BAZ1B: variants seen among roughly 807,000 people sequenced by gnomAD.
BAZ1B encodes bromodomain adjacent to zinc finger domain 1B, also known as tyrosine-protein kinase BAZ1B.
Under a neutral mutation model 153.8 loss-of-function variants are expected in BAZ1B, and 22 were observed. That is an observed-to-expected ratio of 0.14 (90% CI 0.10 to 0.20). The LOEUF (loss-of-function observed/expected upper bound fraction) is 0.20. Among genes scored for constraint, BAZ1B ranks in the 10% least tolerant of loss-of-function variants. The pLI is 1.00. For synonymous variants in BAZ1B, 676 were observed against 633.4 expected (o/e 1.07, Z -1.01); for missense variants, 1,325 against 1,799.3 (o/e 0.74, Z 4.77).
chr7:73,486,697 T>C (rs1789422298), intron 6 of BAZ1B, among the ~76,000 whole-genome samples: 1 of 152,196 alleles, frequency 6.6e-6, no homozygotes. Context: ...ACTCAGAGCC[T>C]GACAGAACAT....
At chr7:73,478,644 G>T in intron 6 of BAZ1B, 75 bp from the exon 7 acceptor site, 1 of 1,242,088 alleles carries the variant, frequency 8.1e-7, no homozygotes, top group East Asian at 2.5e-5. Flanking sequence ...GCATCTTAAA[G>T]GCCCTCTTCC....
chr7:73,451,082 T>G, intron 13 of BAZ1B, 88 bp from the exon 14 acceptor site: 1 of 1,477,968 alleles, frequency 6.8e-7, no homozygotes, highest in Non-Finnish European at 9.2e-7. Context: ...ATGAGAGAAT[T>G]CTGAGGACAC....
chr7:73,463,143 T>G (rs782703912), intron 11 of BAZ1B, 44 bp from the exon 12 acceptor site: 1 of 1,507,364 alleles, frequency 6.6e-7, no homozygotes, highest in East Asian at 2.3e-5. Flanking sequence ...AACAAACTTT[T>G]GAAGATGTTC....
At chr7:73,497,004 G>A (rs759005536) in intron 4 of BAZ1B, among the ~76,000 whole-genome samples, 1 of 146,396 alleles carries the variant, frequency 6.8e-6, no homozygotes, top group Non-Finnish European at 1.5e-5. Flanking sequence ...CAAGGCAGGA[G>A]GATCGCTTGA....
At chr7:73,480,559 T>G (rs1554573538) in intron 6 of BAZ1B, among the ~76,000 whole-genome samples, 1 of 152,170 alleles carries the variant, frequency 6.6e-6, no homozygotes. Context: ...TTTATGTGAT[T>G]AGGGAAAAGA....
rs782381132 is a variant in BAZ1B, at chr7:73,478,507, T to G, written c.954A>C (p.Ser318=). The change falls in exon 7 of 20, where the codon TCA becomes TCC. Residue 318 remains serine, a synonymous_variant. Transcript: ENST00000339594. ...AAGAGTTGTCTGTCTTGGATTTCTT[T>G]GAGGGCTTCCTGTCTGGGGATCCAG... ...KNTGSPDRKP[S]KKSKTDNSSL... is the part of the protein sequence containing the mutation. 9 of 1,595,724 alleles carry G rather than the reference T, an allele frequency of 5.6e-6. No homozygotes were observed. The highest frequency in any genetic ancestry group is 7.7e-6 in the Non-Finnish European group (9 of 1,172,044).
chr7:73,447,477 A>C, intron 15 of BAZ1B, 98 bp from the exon 16 acceptor site: 3 of 1,376,244 alleles, frequency 2.2e-6, no homozygotes, highest in Non-Finnish European at 3.0e-6. Context: ...TTCTCTTCAC[A>C]GACTACATAT....
chr7:73,452,452 G>A (rs1554568492), intron 13 of BAZ1B, among the ~76,000 whole-genome samples: 1 of 152,098 alleles, frequency 6.6e-6, no homozygotes, highest in East Asian at 1.9e-4. Context: ...GGCCGGGCGT[G>A]GTGGCTCACA....
intron 1 of BAZ1B, 88 bp downstream of exon 1, chr7:73,521,739 G>A (rs1482678015): frequency 1.0e-5 from 12 of 1,149,216 alleles, no homozygotes; most frequent in Non-Finnish European, 1.2e-5. Flanking sequence ...CCGGGCCGGG[G>A]ATGCGCGGCT....
At chr7:73,475,651 C>T (rs1788968582) in intron 7 of BAZ1B, among the ~76,000 whole-genome samples, 1 of 152,082 alleles carries the variant, frequency 6.6e-6, no homozygotes, top group African/African-American at 2.4e-5. Context: ...GGCATGGTGG[C>T]TGGCCGGGCA....
Position 73,493,003 on chromosome 7 carries a change from G to A in BAZ1B, c.572-82C>T, listed in dbSNP as rs181005070. 1,684 of 1,421,874 alleles carry A rather than the reference G, an allele frequency of 1.2e-3. 18 individuals carry two copies. The highest frequency in any genetic ancestry group is 9.0e-3 in the South Asian group (635 of 70,896). The allele number at this position is 1,421,874 out of a possible 1,614,324, so 88.1% of individuals were successfully genotyped here. A position where few individuals can be genotyped will look rare whatever the true frequency, so the allele number is the denominator to read the frequency against. ...ATTCATTAACAAGTCTTAACTGAAC[G>A]TCTGCTCTTCACTAGGCACTGGGTG... On this transcript the variant is annotated intron_variant, in intron 4 of 19. Coordinates refer to ENST00000339594, the MANE Select transcript of BAZ1B (RefSeq NM_032408.4).
At chr7:73,498,848 CT>C in intron 3 of BAZ1B, 150 bp from the exon 4 acceptor site, 2 of 673,040 alleles carry the variant, frequency 3.0e-6, no homozygotes, top group Non-Finnish European at 4.9e-6. Context: ...GTGTTTTCAA[CT>C]TTTTTTCTCA....
Position 73,522,189 on chromosome 7 carries a change from C to A in BAZ1B, c.-256G>T, listed in dbSNP as rs1249499597. 1 of 393,548 alleles carries A rather than the reference C, an allele frequency of 2.5e-6. No individual in the cohort carries two copies. The highest frequency in any genetic ancestry group is 4.5e-6 in the Non-Finnish European group (1 of 222,956). The allele number at this position is 393,548 out of a possible 1,614,324, so 24.4% of individuals were successfully genotyped here. A position where few individuals can be genotyped will look rare whatever the true frequency, so the allele number is the denominator to read the frequency against. ...CCCCCCGCCGACCTCCGCTTCGGGT[C>A]CCGGCGGCCGGCAGTCACGACTCCT... On this transcript the variant is annotated 5_prime_UTR_variant, in exon 1 of 20. Transcript: ENST00000339594.
At chr7:73,484,433 G>A (rs1247521090) in intron 6 of BAZ1B, among the ~76,000 whole-genome samples, 1 of 152,110 alleles carries the variant, frequency 6.6e-6, no homozygotes, top group Non-Finnish European at 1.5e-5. Flanking sequence ...GAGCCCAGGA[G>A]TTTGAGACCA....
intron 15 of BAZ1B, among the ~76,000 whole-genome samples, chr7:73,449,169 C>T (rs932548772): frequency 2.6e-5 from 4 of 152,158 alleles, no homozygotes; most frequent in African/African-American, 7.2e-5. Flanking sequence ...GGGAAGAAAA[C>T]ATTATGTATC....
chr7:73,454,597 A>C (rs1788128211), intron 13 of BAZ1B, among the ~76,000 whole-genome samples: 1 of 152,200 alleles, frequency 6.6e-6, no homozygotes, highest in Admixed American at 6.5e-5. Flanking sequence ...AGGACAAACA[A>C]GAACCAGCTG....
intron 7 of BAZ1B, among the ~76,000 whole-genome samples, chr7:73,471,474 G>T (rs1048253493): frequency 2.0e-5 from 3 of 152,096 alleles, no homozygotes; most frequent in African/African-American, 7.2e-5. Context: ...ACACCATAGG[G>T]TACATGGCAA....
intron 14 of BAZ1B, among the ~76,000 whole-genome samples, chr7:73,449,891 G>C (rs192319636): frequency 6.6e-6 from 1 of 152,290 alleles, no homozygotes; most frequent in East Asian, 1.9e-4. Context: ...TTGGGAATCA[G>C]GTCTCCTAAT....
intron 5 of BAZ1B, among the ~76,000 whole-genome samples, chr7:73,491,909 C>T (rs1202562830): frequency 6.6e-6 from 1 of 151,874 alleles, no homozygotes; most frequent in Non-Finnish European, 1.5e-5. Flanking sequence ...TAAGATTCTG[C>T]ACATACAGGT....
Sources: allele counts gnomAD v4.1 joint callset (sites outside exome capture counted in the v4.1 genomes callset), GRCh38; gene constraint gnomAD v4.1.1; transcripts MANE v1.5; gene names NCBI Gene and HGNC (gene_info 2026-07-23, HGNC 2026-07-21).